Variants in PDPR observed in about 807,000 individuals in gnomAD.
PDPR encodes the protein pyruvate dehydrogenase phosphatase regulatory subunit, also known as pyruvate dehydrogenase phosphatase regulatory subunit, mitochondrial.
A neutral mutation model predicts 102.2 loss-of-function variants in PDPR; 50 were observed. The ratio of observed to expected loss-of-function variants is 0.49; its 90% confidence interval spans 0.39 to 0.62. The LOEUF is 0.62. Ranked by LOEUF, PDPR falls within the 20% of genes least tolerant of loss-of-function variation. The pLI is 0.00. For synonymous variants in PDPR, 259 were observed against 406.0 expected, an observed-to-expected ratio of 0.64 and a Z score of 4.35; for missense variants, 625 against 1,098.2, an observed-to-expected ratio of 0.57 and a Z score of 6.09.
At chr16:70,136,034 A>T (rs1253211473) in intron 9 of PDPR, among the ~76,000 whole-genome samples, 160 bp from the exon 10 acceptor site, 3 of 150,642 alleles carry the variant, frequency 2.0e-5, no homozygotes, top group Non-Finnish European at 2.9e-5. Context: ...GTGCCACCAC[A>T]CTCCAGCCGG....
rs1350987607 is a variant in PDPR, at chr16:70,158,834, C to CT, written c.*1956dup. ...GAAGATGGAGACAGGTGACTGAGAG[C>CT]TGCAGGCCTCCTCTGCTCTTCCAAA... On this transcript the variant is annotated 3_prime_UTR_variant, in exon 19 of 19. Coordinates refer to ENST00000288050, the MANE Select transcript of PDPR (RefSeq NM_017990.5). The CT allele has an allele frequency of 4.6e-5, 7 of 152,638 alleles. No individual in the cohort carries two copies. The highest frequency in any genetic ancestry group is 2.6e-4 in the Admixed American group (4 of 15,286). 9.5% of individuals were successfully genotyped at this position (152,638 alleles called of 1,614,324 possible). A position where few individuals can be genotyped will look rare whatever the true frequency, so the allele number is the denominator to read the frequency against.
chr16:70,156,204 T>C (rs1967163401), intron 18 of PDPR: 1 of 498,630 alleles, frequency 2.0e-6, no homozygotes, highest in African/African-American at 1.9e-5. Flanking sequence ...TAAACGTTTT[T>C]GTTCTATCTG....
At chr16:70,153,322 G>A (rs1966844381) in intron 17 of PDPR, 69 bp from the exon 18 acceptor site, 24 of 1,476,392 alleles carry the variant, frequency 1.6e-5, no homozygotes, top group Admixed American at 4.2e-5. Flanking sequence ...AGCCATCAGC[G>A]CTTCCAGACA....
rs957183542 is a variant in PDPR, at chr16:70,142,279, G to A, written c.1361G>A (p.Gly454Asp). 2 of 1,613,934 alleles carry A rather than the reference G, an allele frequency of 1.2e-6. No homozygotes were observed. The highest frequency in any genetic ancestry group is 1.7e-6 in the Non-Finnish European group (2 of 1,179,894). Residue 454 changes from glycine to aspartate, a missense_variant, in exon 12 of 19, where the codon GGT becomes GAT. Around this residue, in one of 11 missense-constraint regions of PDPR, gnomAD observed 34 missense variants for 76.6 expected, o/e 0.44. Transcript: ENST00000288050. ...LKVPRWDFQT[G>D]RQLRTSPLYD... The stretch of plus-strand genomic sequence containing the variant: ...GTTCCCCGCTGGGACTTCCAGACCG[G>A]TAGGCAGTTACGCACCTCTCCTCTC...
At chr16:70,138,831 G>C in intron 10 of PDPR, 68 bp from the exon 11 acceptor site, 1 of 1,602,372 alleles carries the variant, frequency 6.2e-7, no homozygotes, top group Non-Finnish European at 8.5e-7. Flanking sequence ...GTTTGTTCTC[G>C]ATTTGTAGAA....
chr16:70,135,151 C>G (rs1964988162), intron 9 of PDPR, among the ~76,000 whole-genome samples: 1 of 152,262 alleles, frequency 6.6e-6, no homozygotes, highest in African/African-American at 2.4e-5. Flanking sequence ...TTTCTGCTGT[C>G]CACTGGATTA....
intron 16 of PDPR, chr16:70,147,540 G>A (rs1966336178): frequency 2.3e-6 from 1 of 436,044 alleles, no homozygotes; most frequent in Non-Finnish European, 4.6e-6. Flanking sequence ...TTTCCTATAA[G>A]TGGCAACCAC....
Position 70,130,447 on chromosome 16 carries a change from C to G in PDPR, c.632C>G (p.Ser211Cys). Residue 211 changes from serine to cysteine, a missense_variant, in exon 7 of 19, where the codon TCT (serine) becomes TGT (cysteine). Transcript: ENST00000288050. The part of the protein sequence containing the change: ...QNGVQIYDRT[S>C]VLHVMVKKGQ... The stretch of plus-strand genomic sequence containing the variant: ...GGTGTTCAGATCTATGACCGGACAT[C>G]TGTTCTTCATGTAATGGTCAAAAAA... The G allele has an allele frequency of 6.2e-7, 1 of 1,613,734 alleles. No homozygotes were observed. Among genetic ancestry groups the G allele is most frequent in the Non-Finnish European group, 8.5e-7 (1 of 1,179,746 alleles).
At position 70,159,172 on chromosome 16, in the gene PDPR, A is replaced by G. The variant is rs1376439563; in HGVS notation, c.*2293A>G. On this transcript the variant is annotated 3_prime_UTR_variant, in exon 19 of 19. Transcript: ENST00000288050. ...TCTCTTCTGCCCTTGTTAATCTCCA[A>G]CTAATTACTACAGATTGACACGTTT... The G allele has an allele frequency of 6.6e-6, 1 of 152,346 alleles. No homozygotes were observed. The highest frequency in any genetic ancestry group is 1.5e-5 in the Non-Finnish European group (1 of 68,068). The allele number at this position is 152,346 out of a possible 1,614,324, so 9.4% of individuals were successfully genotyped here.
chr16:70,152,681 TA>T (rs1966828408), intron 17 of PDPR, among the ~76,000 whole-genome samples: 1 of 152,294 alleles, frequency 6.6e-6, no homozygotes, highest in African/African-American at 2.4e-5. Context: ...GATTTCATTT[TA>T]CAGTTTTAAA....
At chr16:70,137,001 C>G (rs1202365036) in intron 10 of PDPR, among the ~76,000 whole-genome samples, 2 of 152,196 alleles carry the variant, frequency 1.3e-5, no homozygotes. Flanking sequence ...CCTTGGCCTC[C>G]CAAAGTGCTA....
intron 2 of PDPR, 134 bp from the exon 3 acceptor site, chr16:70,120,327 G>A: frequency 1.6e-6 from 1 of 610,040 alleles, no homozygotes; most frequent in Non-Finnish European, 3.0e-6. Flanking sequence ...TGGGATTACA[G>A]GTGTGAGGCA....
chr16:70,150,531 A>ATTTTTTTTTTTTTTTTTTTT (rs71151175), intron 17 of PDPR, among the ~76,000 whole-genome samples: 2 of 138,298 alleles, frequency 1.4e-5, no homozygotes, highest in African/African-American at 2.7e-5. Flanking sequence ...TTTTCTCTTA[A>ATTTTTTTTTTTTTTTTTTTT]TTTTTTTTTT....
chr16:70,124,546 C>G (rs190200262), intron 3 of PDPR, among the ~76,000 whole-genome samples: 6 of 152,256 alleles, frequency 3.9e-5, no homozygotes, highest in Admixed American at 2.0e-4. Context: ...CAGACCTCTC[C>G]CCAGAACAAA....
intron 2 of PDPR, among the ~76,000 whole-genome samples, chr16:70,116,449 G>A (rs867852969): frequency 2.9e-4 from 44 of 149,290 alleles, no homozygotes; most frequent in Admixed American, 9.5e-4. Context: ...GCATAATCTC[G>A]GCTCACTGCA....
intron 7 of PDPR, 75 bp downstream of exon 7, chr16:70,130,619 T>C (rs1597323947): frequency 6.3e-7 from 1 of 1,576,394 alleles, no homozygotes; most frequent in Non-Finnish European, 8.7e-7. Flanking sequence ...GAAGTAAGAT[T>C]AGTATTGTGA....
At chr16:70,135,104 A>G (rs546701619) in intron 9 of PDPR, among the ~76,000 whole-genome samples, 2 of 152,336 alleles carry the variant, frequency 1.3e-5, no homozygotes, top group Admixed American at 6.5e-5. Context: ...ATGAGCCCCC[A>G]TGTACCCATT....
intron 3 of PDPR, among the ~76,000 whole-genome samples, chr16:70,126,404 C>T (rs1165005314): frequency 4.6e-5 from 7 of 152,268 alleles, no homozygotes; most frequent in Non-Finnish European, 8.8e-5. Context: ...CGCTCTGTCA[C>T]CCAGGCTGGA....
chr16:70,131,823 A>G, intron 8 of PDPR: 1 of 1,394,040 alleles, frequency 7.2e-7, no homozygotes, highest in Non-Finnish European at 9.4e-7. Context: ...CATGCCTAGA[A>G]TGGGCTCTGC....
Sources: gnomAD v4.1 joint callset for allele counts (sites outside exome capture counted in the v4.1 genomes callset) on GRCh38, gnomAD v4.1.1 for gene constraint, gnomAD v4.1.1 regional missense constraint, MANE v1.5 for transcripts, NCBI Gene and HGNC (gene_info 2026-07-23, HGNC 2026-07-21) for gene names.